Variants in DAB1 observed in about 807,000 individuals in gnomAD.
DAB1 encodes DAB adaptor protein 1, also known as disabled homolog 1.
In DAB1, 15 loss-of-function variants were observed where a neutral mutation model predicts 64.6. The ratio of observed to expected loss-of-function variants is 0.23; its 90% CI spans 0.16 to 0.36. The LOEUF (loss-of-function observed/expected upper bound fraction) is 0.36, where lower values mean the gene tolerates loss of function less well. DAB1 is among the 10% of genes least tolerant of loss of function. The pLI is 1.00. For missense variants in DAB1, 596 were observed against 706.7 expected (o/e 0.84, Z 1.78); for synonymous variants, 235 against 251.9 (o/e 0.93, Z 0.64).
At chr1:58,064,315 G>T (rs932393264) in intron 5 of DAB1, among the ~76,000 whole-genome samples, 1 of 152,224 alleles carries the variant, frequency 6.6e-6, no homozygotes, top group African/African-American at 2.4e-5. Context: ...GCTGCAGTGT[G>T]CCAGCCACCA....
Position 56,996,872 on chromosome 1 carries a change from T to A in DAB1, c.*1272A>T, listed in dbSNP as rs1353459359. On this transcript the variant is annotated 3_prime_UTR_variant, in exon 15 of 15. Transcript: ENST00000371236. Reference sequence around the variant, plus strand: ...ATTAAAAATCATTTTCATTAACATTTATATTTACAAAAAAAAGACAATTTT... The same window carrying A: ...ATTAAAAATCATTTTCATTAACATTAATATTTACAAAAAAAAGACAATTTT... 1 of 152,174 alleles carries A rather than the reference T, an allele frequency of 6.6e-6. No homozygotes were observed. Among genetic ancestry groups the A allele is most frequent in the Non-Finnish European group, 1.5e-5 (1 of 68,038 alleles). The allele number at this position is 152,174 out of a possible 1,614,324, so 9.4% of individuals were successfully genotyped here.
intron 4 of DAB1, among the ~76,000 whole-genome samples, chr1:58,287,855 C>T (rs1335024201): frequency 6.6e-6 from 1 of 151,684 alleles, no homozygotes; most frequent in Non-Finnish European, 1.5e-5. Context: ...AACCTTGTCT[C>T]TATTAAAAAT....
At chr1:57,964,909 G>GACATTA (rs998569683) in intron 5 of DAB1, among the ~76,000 whole-genome samples, 1 of 152,118 alleles carries the variant, frequency 6.6e-6, no homozygotes, top group Non-Finnish European at 1.5e-5. Context: ...AATAAAGGTA[G>GACATTA]ACATTATTTG....
chr1:58,058,459 C>T (rs1392419795), intron 5 of DAB1, among the ~76,000 whole-genome samples: 2 of 152,158 alleles, frequency 1.3e-5, no homozygotes, highest in Admixed American at 6.5e-5. Flanking sequence ...ACTATATCAG[C>T]CACGCTCGAC....
intron 8 of DAB1, among the ~76,000 whole-genome samples, chr1:57,066,380 T>C (rs1346042367): frequency 6.6e-6 from 1 of 152,168 alleles, no homozygotes; most frequent in Non-Finnish European, 1.5e-5. Context: ...CAAAATTAAG[T>C]GATGTGTAAA....
At chr1:57,145,877 AAG>A (rs1659077246) in intron 2 of DAB1, among the ~76,000 whole-genome samples, 1 of 152,210 alleles carries the variant, frequency 6.6e-6, no homozygotes, top group Non-Finnish European at 1.5e-5. Flanking sequence ...GCCAGGGTCC[AAG>A]ACCCTCTTCC....
chr1:57,193,758 T>C (rs1454495916), intron 2 of DAB1, among the ~76,000 whole-genome samples: 1 of 152,210 alleles, frequency 6.6e-6, no homozygotes, highest in Non-Finnish European at 1.5e-5. Context: ...ACTAATTAGG[T>C]AATTAATGAG....
At position 57,115,360 on chromosome 1, in the gene DAB1, T is replaced by C. The variant is rs148434398; in HGVS notation, c.306+21183A>G. Among the ~76,000 whole-genome samples the C allele has an allele frequency of 2.7e-3, 412 of 152,254 alleles. 5 individuals are homozygous for C. Among genetic ancestry groups the C allele is most frequent in the Non-Finnish European group, 2.7e-3 (181 of 68,020 alleles). On this transcript the variant is annotated intron_variant, in intron 4 of 14. Transcript: ENST00000371236. ...GGATTATAAAGTACTTAGCATGGGGTTGTCACAGAGAAGGTCCTCAGTAAG... is the reference window on the plus strand; with the variant it reads ...GGATTATAAAGTACTTAGCATGGGGCTGTCACAGAGAAGGTCCTCAGTAAG...
chr1:57,952,714 GA>G (rs890065184), intron 5 of DAB1, among the ~76,000 whole-genome samples: 4 of 152,042 alleles, frequency 2.6e-5, no homozygotes, highest in African/African-American at 9.7e-5. Flanking sequence ...ATAATCCATG[GA>G]AAAAAGCCAA....
At chr1:57,200,461 T>C (rs982798118) in intron 2 of DAB1, among the ~76,000 whole-genome samples, 4 of 152,204 alleles carry the variant, frequency 2.6e-5, no homozygotes, top group Admixed American at 6.5e-5. Context: ...ATGTGTTATG[T>C]AGTATAGTGG....
At chr1:57,519,595 C>T (rs1644502340) in intron 7 of DAB1, among the ~76,000 whole-genome samples, 2 of 152,086 alleles carry the variant, frequency 1.3e-5, no homozygotes, top group South Asian at 4.1e-4. Context: ...GGGTGGGGTA[C>T]AGGGTGCCCC....
chr1:58,033,890 C>T (rs1647006429), intron 5 of DAB1, among the ~76,000 whole-genome samples: 1 of 152,088 alleles, frequency 6.6e-6, no homozygotes, highest in Admixed American at 6.6e-5. Context: ...GATTATAACC[C>T]ATGCATAGTG....
At chr1:57,878,267 T>C (rs1299506122) in intron 1 of DAB1, 1 of 152,214 alleles carries the variant, frequency 6.6e-6, no homozygotes, top group Non-Finnish European at 1.5e-5. Context: ...CAAATTTTTA[T>C]TCACAAATTT....
intron 5 of DAB1, among the ~76,000 whole-genome samples, chr1:57,974,923 C>T (rs1268137742): frequency 6.6e-6 from 1 of 152,040 alleles, no homozygotes; most frequent in African/African-American, 2.4e-5. Context: ...GGTACTGCAA[C>T]TGGTGTATAG....
In DAB1 at chr1:57,099,201, T is replaced by A. The variant is rs1433558889; in HGVS notation, c.307-26787A>T. ...CACAGACAAGGAAAAACAAACACAA[T>A]CCTTGTGCTTATGGTGTTTATAAGA... On this transcript the variant is annotated intron_variant, in intron 4 of 14. Coordinates refer to ENST00000371236, the MANE Select transcript of DAB1 (RefSeq NM_001365792.1). Among the ~76,000 whole-genome samples, 3 of 152,142 alleles carry A rather than the reference T, an allele frequency of 2.0e-5. No homozygotes were observed. The East Asian group carries it at 5.8e-4, about 29-fold the overall frequency.
At chr1:57,380,016 A>G (rs564218916) in intron 1 of DAB1, among the ~76,000 whole-genome samples, 3 of 152,350 alleles carry the variant, frequency 2.0e-5, no homozygotes, top group African/African-American at 7.2e-5. Context: ...TCAATTAATA[A>G]TAGTTGTTGT....
intron 11 of DAB1, among the ~76,000 whole-genome samples, chr1:57,016,287 A>T (rs939347308): frequency 6.7e-6 from 1 of 148,770 alleles, no homozygotes; most frequent in Non-Finnish European, 1.5e-5. Flanking sequence ...TTTAGAGAAT[A>T]AAAAAAAAAT....
chr1:58,275,186 T>A (rs555888401), intron 4 of DAB1, among the ~76,000 whole-genome samples: 69 of 152,270 alleles, frequency 4.5e-4, no homozygotes, highest in African/African-American at 1.6e-3. Context: ...TAACACAAAA[T>A]GAATCAAAGA....
chr1:57,144,693 C>CAA (rs1175603284), intron 3 of DAB1, among the ~76,000 whole-genome samples: 3 of 99,208 alleles, frequency 3.0e-5, no homozygotes, highest in African/African-American at 3.8e-5. Context: ...GACTCCTTCT[C>CAA]AAAAAAAAAA....
Sources: gnomAD v4.1 joint callset for allele counts (sites outside exome capture counted in the v4.1 genomes callset) on GRCh38, gnomAD v4.1.1 for gene constraint, MANE v1.5 for transcripts, NCBI Gene and HGNC (gene_info 2026-07-23, HGNC 2026-07-21) for gene names.